Variants in PLS1 observed in about 807,000 individuals in gnomAD.
The protein encoded by PLS1 is plastin 1.
In PLS1, 32 loss-of-function variants were observed where a neutral mutation model predicts 73.7. The observed-to-expected ratio is 0.43, with a 90% CI of 0.33 to 0.58. The LOEUF (loss-of-function observed/expected upper bound fraction) is 0.58. PLS1 is among the 20% of genes least tolerant of loss of function. The pLI, the probability that PLS1 is intolerant of heterozygous loss-of-function variation, is 0.04. For synonymous variants in PLS1, 217 were observed against 261.3 expected, an observed-to-expected ratio of 0.83 and a Z score of 1.63; for missense variants, 633 against 740.5, an observed-to-expected ratio of 0.85 and a Z score of 1.68.
intron 12 of PLS1, among the ~76,000 whole-genome samples, chr3:142,703,499 T>C (rs542066105): frequency 5.3e-5 from 8 of 152,276 alleles, no homozygotes; most frequent in African/African-American, 1.9e-4. Context: ...TTTCACCATG[T>C]TGGCCAGGCT....
chr3:142,664,045 G>A, intron 1 of PLS1, 157 bp from the exon 2 acceptor site: 1 of 369,492 alleles, frequency 2.7e-6, no homozygotes, highest in Non-Finnish European at 4.9e-6. Context: ...GGCCTATGCT[G>A]AGAGATTGTT....
At chr3:142,691,587 A>C (rs2107915712) in intron 10 of PLS1, among the ~76,000 whole-genome samples, 1 of 152,256 alleles carries the variant, frequency 6.6e-6, no homozygotes, top group East Asian at 1.9e-4. Flanking sequence ...TTCAGTGTGA[A>C]TAGGATTGCT....
At chr3:142,612,321 G>A (rs1042127013) in intron 1 of PLS1, among the ~76,000 whole-genome samples, 2 of 152,214 alleles carry the variant, frequency 1.3e-5, no homozygotes, top group Admixed American at 6.5e-5. Context: ...GATTTACAGT[G>A]TAATGATGTG....
At chr3:142,651,485 A>C (rs2037091363) in intron 1 of PLS1, among the ~76,000 whole-genome samples, 1 of 141,682 alleles carries the variant, frequency 7.1e-6, no homozygotes, top group African/African-American at 2.6e-5. Flanking sequence ...AAAAAAAAAA[A>C]AACCCAAAAA....
intron 1 of PLS1, among the ~76,000 whole-genome samples, chr3:142,629,164 G>T (rs766508757): frequency 6.6e-6 from 1 of 151,650 alleles, no homozygotes; most frequent in Non-Finnish European, 1.5e-5. Flanking sequence ...GATAACAACT[G>T]CTACTTTTGG....
Position 142,711,437 on chromosome 3 carries a change from T to G in PLS1, c.1630-64T>G, listed in dbSNP as rs1008578138. 4.0e-6 allele frequency: 5 copies of G among 1,248,196 alleles called. No homozygotes were observed. The East Asian group carries it at 9.4e-5, about 23-fold the overall frequency. 77.3% of individuals were successfully genotyped at this position (1,248,196 alleles called of 1,614,324 possible). The stretch of plus-strand genomic sequence containing the variant: ...GCCTTCAGTTATATGATCAGAAGAG[T>G]CTGAAAATAATGAAAATTAAAGGTC... On this transcript the variant is annotated intron_variant, in intron 14 of 15. Transcript: ENST00000457734.
At chr3:142,651,445 A>G (rs1361503160) in intron 1 of PLS1, among the ~76,000 whole-genome samples, 1 of 145,900 alleles carries the variant, frequency 6.9e-6, no homozygotes, top group African/African-American at 2.6e-5. Context: ...CTGGATGACA[A>G]GAAAGGAACT....
intron 1 of PLS1, among the ~76,000 whole-genome samples, chr3:142,658,700 T>A (rs2037297419): frequency 6.6e-6 from 1 of 152,208 alleles, no homozygotes; most frequent in Non-Finnish European, 1.5e-5. Flanking sequence ...CAGTTTGCTT[T>A]TTTCATTTAG....
chr3:142,652,046 G>T (rs2037106717), intron 1 of PLS1, among the ~76,000 whole-genome samples: 1 of 152,154 alleles, frequency 6.6e-6, no homozygotes, highest in Non-Finnish European at 1.5e-5. Flanking sequence ...AGGGGTAAAG[G>T]TTGGGGAGTC....
At chr3:142,600,971 G>T (rs1442156922) in intron 1 of PLS1, among the ~76,000 whole-genome samples, 1 of 124,692 alleles carries the variant, frequency 8.0e-6, no homozygotes, top group Non-Finnish European at 1.6e-5. Context: ...TGGCCCAGGC[G>T]GGAGTGCAGT....
intron 1 of PLS1, among the ~76,000 whole-genome samples, chr3:142,639,625 A>G (rs915677295): frequency 2.0e-5 from 3 of 152,074 alleles, no homozygotes; most frequent in Admixed American, 2.0e-4. Flanking sequence ...TATTGATTAC[A>G]CTTATACTAA....
chr3:142,640,003 A>T (rs2036795654), intron 1 of PLS1, among the ~76,000 whole-genome samples: 1 of 152,206 alleles, frequency 6.6e-6, no homozygotes, highest in South Asian at 2.1e-4. Context: ...TCTGCTGCAG[A>T]CTGCTCATTG....
chr3:142,611,372 A>G (rs184873907), intron 1 of PLS1, among the ~76,000 whole-genome samples: 100 of 152,336 alleles, frequency 6.6e-4, no homozygotes, highest in Middle Eastern at 6.8e-3. Flanking sequence ...CTGTAATCCC[A>G]ACACTTTGAG....
chr3:142,655,806 C>T (rs1274088723), intron 1 of PLS1, among the ~76,000 whole-genome samples: 2 of 151,414 alleles, frequency 1.3e-5, no homozygotes, highest in Admixed American at 6.6e-5. Flanking sequence ...CTGTTCCTGG[C>T]TTAACACTTC....
chr3:142,635,302 A>G (rs532245935), intron 1 of PLS1, among the ~76,000 whole-genome samples: 3 of 152,150 alleles, frequency 2.0e-5, no homozygotes, highest in Non-Finnish European at 1.5e-5. Flanking sequence ...AATGGGACAA[A>G]TAGAAAACAA....
intron 2 of PLS1, among the ~76,000 whole-genome samples, chr3:142,666,505 T>C (rs567004420): frequency 2.6e-5 from 4 of 152,274 alleles, no homozygotes; most frequent in African/African-American, 9.6e-5. Flanking sequence ...TTGAATAATA[T>C]TTTATTGTAT....
At chr3:142,689,218 G>A (rs1208222339) in intron 9 of PLS1, among the ~76,000 whole-genome samples, 1 of 152,068 alleles carries the variant, frequency 6.6e-6, no homozygotes, top group African/African-American at 2.4e-5. Flanking sequence ...CGGATCAGGA[G>A]TTCGAAACCA....
At chr3:142,611,175 G>GT (rs1280300444) in intron 1 of PLS1, among the ~76,000 whole-genome samples, 1 of 152,170 alleles carries the variant, frequency 6.6e-6, no homozygotes, top group African/African-American at 2.4e-5. Flanking sequence ...TCTCTTAGCT[G>GT]TTTAAGAATG....
chr3:142,653,401 C>T (rs2037145965), intron 1 of PLS1, among the ~76,000 whole-genome samples: 1 of 150,706 alleles, frequency 6.6e-6, no homozygotes. Flanking sequence ...GGCTCTGTTG[C>T]CCAGGCTGGA....
Sources: allele counts gnomAD v4.1 joint callset (sites outside exome capture counted in the v4.1 genomes callset), GRCh38; gene constraint gnomAD v4.1.1; transcripts MANE v1.5; gene names NCBI Gene and HGNC (gene_info 2026-07-23, HGNC 2026-07-21).